The following ANKRD11 variants were observed in gnomAD, a reference collection of about 807,000 sequenced individuals.
ANKRD11 encodes ankyrin repeat domain-containing protein 11.
A neutral mutation model predicts 195.7 loss-of-function variants in ANKRD11; 17 were observed. The observed-to-expected ratio is 0.09, with a 90% CI of 0.06 to 0.13. The LOEUF is 0.13. Ranked by LOEUF, ANKRD11 falls within the 10% of genes least tolerant of loss-of-function variation. ANKRD11 has a pLI of 1.00. For synonymous variants in ANKRD11, 1,953 were observed against 1,528.1 expected, an observed-to-expected ratio of 1.28 and a Z score of -6.49; for missense variants, 3,735 against 3,566.1, an observed-to-expected ratio of 1.05 and a Z score of -1.21.
intron 2 of ANKRD11, among the ~76,000 whole-genome samples, chr16:89,377,110 C>T (rs200917448): frequency 2.0e-5 from 3 of 152,194 alleles, no homozygotes; most frequent in East Asian, 3.8e-4. Context: ...ATGAACAATG[C>T]CCTTGGTCCC....
intron 2 of ANKRD11, chr16:89,361,534 T>C (rs1454389837): frequency 6.6e-6 from 1 of 152,264 alleles, no homozygotes; most frequent in East Asian, 1.9e-4. Flanking sequence ...TCTTTGGTTA[T>C]GATGCTACAG....
At chr16:89,308,530 A>T (rs1409075947) in intron 3 of ANKRD11, among the ~76,000 whole-genome samples, 1 of 152,208 alleles carries the variant, frequency 6.6e-6, no homozygotes, top group Non-Finnish European at 1.5e-5. Flanking sequence ...CTCATCAGGA[A>T]AATGCAAATG....
intron 1 of ANKRD11, among the ~76,000 whole-genome samples, chr16:89,486,719 T>C (rs1310639003): frequency 1.3e-5 from 2 of 152,050 alleles, no homozygotes; most frequent in South Asian, 2.1e-4. Context: ...AAAAATAACA[T>C]TTGAGGCCAG....
At chr16:89,392,827 GA>G (rs951852647) in intron 2 of ANKRD11, 2 of 150,746 alleles carry the variant, frequency 1.3e-5, no homozygotes, top group African/African-American at 4.9e-5. Flanking sequence ...TAGGAAAAAA[GA>G]AAACTGGGAA....
chr16:89,487,216 T>C (rs4785676), intron 1 of ANKRD11, among the ~76,000 whole-genome samples: 72,553 of 151,928 alleles, frequency 0.48, 17,920 homozygotes, highest in East Asian at 0.66. Flanking sequence ...ACCATCATTT[T>C]CACCGATTAA....
intron 1 of ANKRD11, among the ~76,000 whole-genome samples, chr16:89,473,566 T>C (rs4785675): frequency 0.47 from 71,914 of 152,094 alleles, 17,618 homozygotes; most frequent in Middle Eastern, 0.65. Flanking sequence ...TTGATTCTAC[T>C]TCCGTTCTAC....
At chr16:89,454,715 T>A (rs2056350992) in intron 1 of ANKRD11, among the ~76,000 whole-genome samples, 1 of 130,088 alleles carries the variant, frequency 7.7e-6, no homozygotes, top group Non-Finnish European at 1.6e-5. Context: ...CTCCCCTGGG[T>A]GCTTCCAGGG....
At chr16:89,447,125 A>G (rs570139587) in intron 1 of ANKRD11, among the ~76,000 whole-genome samples, 6 of 152,094 alleles carry the variant, frequency 3.9e-5, no homozygotes, top group Non-Finnish European at 8.8e-5. Flanking sequence ...GGGCACGTCC[A>G]TCGTTCCAAC....
At position 89,488,433 on chromosome 16, in the gene ANKRD11, G is replaced by T. The variant is rs143681399; in HGVS notation, c.-145+1812C>A. On this transcript the variant is annotated intron_variant, in intron 1 of 12. Coordinates refer to ENST00000301030, the MANE Select transcript of ANKRD11 (RefSeq NM_013275.6). The stretch of plus-strand genomic sequence containing the variant: ...AAGGGTCACAATGAAGGCTGAGCAA[G>T]ACATCCGCCCCCCCCCCTTTTTTTC... Among the ~76,000 whole-genome samples, 1,428 of 150,242 alleles carry T rather than the reference G, an allele frequency of 9.5e-3. 43 individuals are homozygous for T. The highest frequency in any genetic ancestry group is 0.047 in the Admixed American group (704 of 14,998).
intron 2 of ANKRD11, among the ~76,000 whole-genome samples, chr16:89,345,397 G>A (rs140513447): frequency 6.6e-6 from 1 of 152,102 alleles, no homozygotes; most frequent in East Asian, 1.9e-4. Flanking sequence ...GTGGACGAAC[G>A]CTGGCTGCTA....
intron 1 of ANKRD11, among the ~76,000 whole-genome samples, chr16:89,481,920 TA>T (rs562064483): frequency 0.011 from 1,600 of 142,444 alleles, 11 homozygotes; most frequent in African/African-American, 0.027. Flanking sequence ...AGCTTACAGT[TA>T]AAAAAAAAAA....
intron 2 of ANKRD11, among the ~76,000 whole-genome samples, chr16:89,322,459 G>T (rs911608516): frequency 1.3e-5 from 2 of 152,234 alleles, no homozygotes; most frequent in African/African-American, 4.8e-5. Flanking sequence ...CCTGAGAAGG[G>T]ATGTGATTCA....
At chr16:89,328,265 G>A (rs2151956883) in intron 2 of ANKRD11, among the ~76,000 whole-genome samples, 1 of 152,326 alleles carries the variant, frequency 6.6e-6, no homozygotes, top group African/African-American at 2.4e-5. Flanking sequence ...AAGTGGTGTT[G>A]CTGCTCTGGA....
chr16:89,478,733 A>T, intron 1 of ANKRD11, among the ~76,000 whole-genome samples: 1 of 152,226 alleles, frequency 6.6e-6, no homozygotes, highest in East Asian at 1.9e-4. Context: ...TGCCCGTGAC[A>T]TTTCTCATTA....
At chr16:89,482,442 A>G (rs1014416140) in intron 1 of ANKRD11, among the ~76,000 whole-genome samples, 2 of 152,212 alleles carry the variant, frequency 1.3e-5, no homozygotes, top group Non-Finnish European at 2.9e-5. Context: ...ACTAAATGCA[A>G]TGTGGGATCC....
At chr16:89,334,172 A>AAAGAG (rs1555545552) in intron 2 of ANKRD11, among the ~76,000 whole-genome samples, 10 of 148,974 alleles carry the variant, frequency 6.7e-5, no homozygotes, top group African/African-American at 2.5e-4. Flanking sequence ...AAAAAAAAAA[A>AAAGAG]ACAGAGAGAG....
intron 2 of ANKRD11, among the ~76,000 whole-genome samples, chr16:89,354,243 CA>C (rs5818711): frequency 0.021 from 2,705 of 126,168 alleles, 48 homozygotes; most frequent in African/African-American, 0.065. Flanking sequence ...TGCATTCAGC[CA>C]AAAAAAAAAA....
chr16:89,280,948 A>G lies in ANKRD11; in HGVS notation c.5594T>C (p.Leu1865Ser), dbSNP rs149260428. The stretch of plus-strand genomic sequence containing the variant: ...GACAACGGCAGCCGGTGGGCAGTGC[A>G]AAGCGTCGACTTTGGGCGACGGGAG... The part of the protein sequence containing the change: ...YGLPSPKVDA[L>S]HCPPAAVVTV... The change falls in exon 9 of 13, where the codon TTG (leucine) becomes TCG (serine). Residue 1865 changes from leucine to serine, a missense_variant. Physicochemically the swap from Leu to Ser is moderately radical, Grantham distance 145. Coordinates refer to ENST00000301030, the MANE Select transcript of ANKRD11 (RefSeq NM_013275.6). 7.1e-5 allele frequency: 112 copies of G among 1,581,242 alleles called. No homozygotes were observed. The highest frequency in any genetic ancestry group is 9.4e-5 in the Non-Finnish European group (109 of 1,160,718).
At chr16:89,431,852 G>C (rs1454429821) in intron 1 of ANKRD11, among the ~76,000 whole-genome samples, 1 of 152,086 alleles carries the variant, frequency 6.6e-6, no homozygotes, top group South Asian at 2.1e-4. Flanking sequence ...CACATACAGA[G>C]CCCTCACCCC....
Sources: gnomAD v4.1 joint callset for allele counts (sites outside exome capture counted in the v4.1 genomes callset) on GRCh38, gnomAD v4.1.1 for gene constraint, MANE v1.5 for transcripts, NCBI Gene and HGNC (gene_info 2026-07-23, HGNC 2026-07-21) for gene names.